The following PITPNA variants were observed in gnomAD, a reference collection of about 807,000 sequenced individuals.
The protein encoded by PITPNA is phosphatidylinositol transfer protein alpha isoform.
A neutral mutation model predicts 50.3 loss-of-function variants in PITPNA; 13 were observed. The ratio of observed to expected loss-of-function variants is 0.26; its 90% CI spans 0.17 to 0.41. The LOEUF is 0.41. PITPNA is among the 10% of genes least tolerant of loss of function. PITPNA has a pLI of 1.00. For missense variants in PITPNA, 207 were observed against 333.4 expected (o/e 0.62, Z 2.95); for synonymous variants, 120 against 119.6 (o/e 1.00, Z -0.02).
At position 1,562,708 on chromosome 17, in the gene PITPNA, C is replaced by T; in HGVS notation, c.-148G>A. ...GTCCCCGCCGCCCTCGCCGCGGTCG[C>T]CGCGCCGGCTCCTGCCGCCCGGGCC... On this transcript the variant is annotated 5_prime_UTR_variant, in exon 1 of 12. Transcript: ENST00000313486. The surrounding 1 kb of genome is among the most constrained non-coding windows in gnomAD (Gnocchi z 6.4). 2.5e-6 allele frequency: 1 copy of T among 395,120 alleles called. No individual in the cohort carries two copies. Among genetic ancestry groups the T allele is most frequent in the Non-Finnish European group, 3.5e-6 (1 of 284,086 alleles). The allele number at this position is 395,120 out of a possible 1,614,324, so 24.5% of individuals were successfully genotyped here.
chr17:1,551,878 G>A (rs2075711437), intron 3 of PITPNA, among the ~76,000 whole-genome samples: 1 of 152,072 alleles, frequency 6.6e-6, no homozygotes, highest in Non-Finnish European at 1.5e-5. Flanking sequence ...CGAGGAGACT[G>A]GGTGACGGTG....
chr17:1,542,066 GGCGGGTGC>G (rs537969905), intron 5 of PITPNA, among the ~76,000 whole-genome samples: 18 of 152,250 alleles, frequency 1.2e-4, no homozygotes, highest in Non-Finnish European at 2.5e-4. Flanking sequence ...CAGGCATGGT[GGCGGGTGC>G]CTGTAATCCC....
intron 4 of PITPNA, among the ~76,000 whole-genome samples, chr17:1,543,255 T>C (rs2151009448): frequency 6.6e-6 from 1 of 152,176 alleles, no homozygotes; most frequent in Non-Finnish European, 1.5e-5. Context: ...GGAATTTAAT[T>C]AAAGCGACGC....
At chr17:1,530,483 T>G (rs2075574631) in intron 10 of PITPNA, among the ~76,000 whole-genome samples, 1 of 152,202 alleles carries the variant, frequency 6.6e-6, no homozygotes, top group Non-Finnish European at 1.5e-5. Context: ...TCAAGAATGG[T>G]GGGTCCGCCC....
intron 10 of PITPNA, among the ~76,000 whole-genome samples, chr17:1,531,719 A>G (rs2075584753): frequency 6.6e-6 from 1 of 152,086 alleles, no homozygotes; most frequent in Non-Finnish European, 1.5e-5. Context: ...AAAGTATGGA[A>G]GTAATTAACA....
chr17:1,559,100 C>T (rs1486258437), intron 1 of PITPNA, among the ~76,000 whole-genome samples: 1 of 152,094 alleles, frequency 6.6e-6, no homozygotes, highest in Admixed American at 6.5e-5. Flanking sequence ...CTCCCAACAA[C>T]AGCCCTCCAG....
intron 7 of PITPNA, chr17:1,538,650 A>G (rs994254881): frequency 2.1e-6 from 1 of 474,616 alleles, no homozygotes; most frequent in Non-Finnish European, 3.7e-6. Context: ...AATAATTTTC[A>G]GAGGCCAAAC....
At chr17:1,557,977 TC>T (rs766058485) in intron 2 of PITPNA, among the ~76,000 whole-genome samples, 1 of 152,168 alleles carries the variant, frequency 6.6e-6, no homozygotes, top group African/African-American at 2.4e-5. Context: ...ACGCCTGTCA[TC>T]CCAGCACTTT....
intron 3 of PITPNA, among the ~76,000 whole-genome samples, chr17:1,548,778 T>C (rs895662710): frequency 2.0e-5 from 3 of 152,256 alleles, no homozygotes; most frequent in Non-Finnish European, 4.4e-5. Context: ...CCAGGGTAAC[T>C]AGCCGACTAA....
rs537533244 is a variant in PITPNA, at chr17:1,541,830, C to A, written c.298-190G>T. ...CATGTATTATCCCATTCAATCCTCACCCCAGCCTGAGAGCTCTGTAGAATC... is the reference window on the plus strand; with the variant it reads ...CATGTATTATCCCATTCAATCCTCAACCCAGCCTGAGAGCTCTGTAGAATC... On this transcript the variant is annotated intron_variant, in intron 5 of 11. Coordinates refer to ENST00000313486, the MANE Select transcript of PITPNA (RefSeq NM_006224.4). The A allele has an allele frequency of 2.2e-5, 15 of 685,840 alleles. No individual in the cohort carries two copies. The East Asian group carries it at 4.3e-4, about 20-fold the overall frequency. 42.5% of individuals were successfully genotyped at this position (685,840 alleles called of 1,614,324 possible).
chr17:1,518,751 T>C lies in PITPNA; in HGVS notation c.*1810A>G, dbSNP rs1175551320. 1 of 152,256 alleles carries C rather than the reference T, an allele frequency of 6.6e-6. No homozygotes were observed. Among genetic ancestry groups the C allele is most frequent in the Non-Finnish European group, 1.5e-5 (1 of 68,044 alleles). 9.4% of individuals were successfully genotyped at this position (152,256 alleles called of 1,614,324 possible). On this transcript the variant is annotated 3_prime_UTR_variant, in exon 12 of 12. Transcript: ENST00000313486. ...TAACCCGCATCTGGACTTCCCCTAG[T>C]TGATGAATGAAGGAACATCTTTAAG...
chr17:1,532,714 C>T (rs1214854432), intron 10 of PITPNA, among the ~76,000 whole-genome samples: 2 of 152,180 alleles, frequency 1.3e-5, no homozygotes, highest in African/African-American at 4.8e-5. Context: ...TCAGGCTTCT[C>T]TTACACAGTC....
intron 5 of PITPNA, among the ~76,000 whole-genome samples, chr17:1,542,277 C>T (rs2075652007): frequency 6.6e-6 from 1 of 152,000 alleles, no homozygotes; most frequent in Non-Finnish European, 1.5e-5. Context: ...AGAATCCATG[C>T]ATTTAGCCAC....
chr17:1,518,987 C>G lies in PITPNA; in HGVS notation c.*1574G>C, dbSNP rs2075491720. The G allele has an allele frequency of 6.6e-6, 1 of 152,212 alleles. No homozygotes were observed. Among genetic ancestry groups the G allele is most frequent in the South Asian group, 2.1e-4 (1 of 4,830 alleles). 9.4% of individuals were successfully genotyped at this position (152,212 alleles called of 1,614,324 possible). A position where few individuals can be genotyped will look rare whatever the true frequency, so the allele number is the denominator to read the frequency against. Reference sequence around the variant, plus strand: ...AAGACATCTGGTTCCAAAGGGACCTCAATGAAGGTCAGCGCTAACCATGCT... The same window carrying G: ...AAGACATCTGGTTCCAAAGGGACCTGAATGAAGGTCAGCGCTAACCATGCT... On this transcript the variant is annotated 3_prime_UTR_variant, in exon 12 of 12. Transcript: ENST00000313486.
intron 9 of PITPNA, 122 bp from the exon 10 acceptor site, chr17:1,534,343 G>A (rs1187659708): frequency 1.7e-6 from 2 of 1,186,302 alleles, no homozygotes; most frequent in Admixed American, 4.1e-5. Flanking sequence ...AGGAGGAGGA[G>A]TAATGCCCGG....
At chr17:1,523,545 G>A (rs761947785) in intron 10 of PITPNA, among the ~76,000 whole-genome samples, 7 of 136,366 alleles carry the variant, frequency 5.1e-5, no homozygotes, top group Non-Finnish European at 9.2e-5. Context: ...CTCTCTCTCT[G>A]TCGCCAGGCT....
chr17:1,544,043 A>G (rs894977738), intron 4 of PITPNA, among the ~76,000 whole-genome samples: 10 of 152,230 alleles, frequency 6.6e-5, no homozygotes, highest in African/African-American at 2.4e-4. Flanking sequence ...GAGTGGGGGC[A>G]GCAGTGCCAG....
intron 7 of PITPNA, 23 bp downstream of exon 7, chr17:1,538,846 C>T (rs137905195): frequency 2.0e-6 from 3 of 1,519,570 alleles, no homozygotes; most frequent in East Asian, 2.3e-5. Context: ...CGAAGGCCAC[C>T]CACGTCTTTA....
chr17:1,519,266 A>T lies in PITPNA; in HGVS notation c.*1295T>A, dbSNP rs1331675765. On this transcript the variant is annotated 3_prime_UTR_variant, in exon 12 of 12. Transcript: ENST00000313486. ...CACACTTAGGCCAACGTGCTTCACA[A>T]GGTTTGGGGAATGTCAGGTGACACT... is the stretch of plus-strand genomic sequence containing the variant. The T allele has an allele frequency of 6.6e-6, 1 of 152,282 alleles. No individual in the cohort carries two copies. The allele number at this position is 152,282 out of a possible 1,614,324, so 9.4% of individuals were successfully genotyped here.
Sources: gnomAD v4.1 joint callset for allele counts (sites outside exome capture counted in the v4.1 genomes callset) on GRCh38, gnomAD v4.1.1 for gene constraint, Gnocchi (gnomAD v3.1) non-coding constraint, MANE v1.5 for transcripts, NCBI Gene and HGNC (gene_info 2026-07-23, HGNC 2026-07-21) for gene names.